Variants in SPRED2 observed in about 807,000 individuals in gnomAD.
SPRED2 encodes sprouty related EVH1 domain containing 2.
A neutral mutation model predicts 43.0 loss-of-function variants in SPRED2; 47 were observed. The observed-to-expected ratio is 1.09, with a 90% CI of 0.87 to 1.40. The LOEUF is 1.40. Ranked by LOEUF, SPRED2 falls within the 40% of genes most tolerant of loss-of-function variation. The probability of loss-of-function intolerance (pLI) is 0.00; values close to 1 mark genes in which losing one functional copy is unlikely to be tolerated. For synonymous variants in SPRED2, 225 were observed against 225.7 expected, an observed-to-expected ratio of 1.00 and a Z score of 0.03; for missense variants, 561 against 586.4, an observed-to-expected ratio of 0.96 and a Z score of 0.45.
chr2:65,324,561 C>G lies in SPRED2; in HGVS notation c.438+7426G>C, dbSNP rs141537726. Among the ~76,000 whole-genome samples the G allele has an allele frequency of 2.6e-5, 4 of 152,296 alleles. No individual in the cohort carries two copies. In the East Asian group the frequency reaches 7.7e-4, roughly 29 times the overall value. On this transcript the variant is annotated intron_variant, in intron 4 of 5. Coordinates refer to ENST00000356388, the MANE Select transcript of SPRED2 (RefSeq NM_181784.3). ...CAATATGATCTCTTGTTCTTGGAAG[C>G]TTGGCTACTCTTCCCTCTCTTATGG...
chr2:65,314,256 C>G (rs1412972001), intron 5 of SPRED2, 87 bp from the exon 6 acceptor site: 2 of 1,327,850 alleles, frequency 1.5e-6, no homozygotes, highest in African/African-American at 1.5e-5. Context: ...CCCTCCCTAG[C>G]CGTCCAAAAT....
chr2:65,427,428 A>AAGGGTTC lies in SPRED2; in HGVS notation c.26+4533_26+4534insGAACCCT, dbSNP rs1676582727. Among the ~76,000 whole-genome samples the AAGGGTTC allele has an allele frequency of 1.3e-4, 20 of 152,320 alleles. No homozygotes were observed. In the South Asian group the frequency reaches 4.1e-3, roughly 32 times the overall value. ...TAACATTTAAGGGTTCTACTCATGT[A>AAGGGTTC]TAGTAGAACCATACCCCCTGGTAGA... On this transcript the variant is annotated intron_variant, in intron 1 of 5. Transcript: ENST00000356388.
downstream of SPRED2, among the ~76,000 whole-genome samples, chr2:65,307,388 G>T (rs1240444246): frequency 1.3e-5 from 2 of 151,862 alleles, no homozygotes; most frequent in Non-Finnish European, 2.9e-5. Context: ...TAGAGATGGG[G>T]TTTCACCATG....
intron 1 of SPRED2, among the ~76,000 whole-genome samples, chr2:65,370,407 G>C (rs761979091): frequency 2.6e-5 from 4 of 152,192 alleles, no homozygotes; most frequent in Non-Finnish European, 4.4e-5. Context: ...ACATTCGAGT[G>C]TTTATATGCT....
chr2:65,407,142 T>C (rs769804811), intron 1 of SPRED2, among the ~76,000 whole-genome samples: 2 of 151,858 alleles, frequency 1.3e-5, no homozygotes, highest in African/African-American at 4.8e-5. Flanking sequence ...TTAGCCAGGA[T>C]GGTCTCGATC....
In SPRED2 at chr2:65,311,345, T is replaced by C; in HGVS notation, c.*2156A>G. 1 of 985,696 alleles carries C rather than the reference T, an allele frequency of 1.0e-6. No homozygotes were observed. 61.1% of individuals were successfully genotyped at this position (985,696 alleles called of 1,614,324 possible). On this transcript the variant is annotated 3_prime_UTR_variant, in exon 6 of 6. Transcript: ENST00000356388. ...ACCAAAAAGTATACGTGGAGTAAGATCTGCTAGCGTAACTCTTAAAAGGGT... is the reference window on the plus strand; with the variant it reads ...ACCAAAAAGTATACGTGGAGTAAGACCTGCTAGCGTAACTCTTAAAAGGGT...
chr2:65,371,536 G>T (rs1210096472), intron 1 of SPRED2, among the ~76,000 whole-genome samples: 1 of 152,214 alleles, frequency 6.6e-6, no homozygotes, highest in African/African-American at 2.4e-5. Context: ...GGCGGAGGCA[G>T]ATGATTTCTA....
intron 1 of SPRED2, among the ~76,000 whole-genome samples, chr2:65,365,679 A>G (rs771669728): frequency 7.2e-5 from 11 of 152,248 alleles, no homozygotes; most frequent in Admixed American, 6.5e-5. Context: ...AGGAAAGCAT[A>G]AATAGTACTG....
intron 1 of SPRED2, among the ~76,000 whole-genome samples, chr2:65,358,736 A>G (rs773505285): frequency 3.3e-5 from 5 of 152,222 alleles, no homozygotes; most frequent in Non-Finnish European, 7.3e-5. Context: ...AAAACATAAA[A>G]TGGTGGGCAA....
At chr2:65,361,030 C>A (rs1674799278) in intron 1 of SPRED2, among the ~76,000 whole-genome samples, 1 of 152,060 alleles carries the variant, frequency 6.6e-6, no homozygotes, top group South Asian at 2.1e-4. Context: ...CAATGTGGGA[C>A]CTCATCTCTA....
chr2:65,322,108 A>G, intron 4 of SPRED2, among the ~76,000 whole-genome samples: 1 of 151,764 alleles, frequency 6.6e-6, no homozygotes, highest in Non-Finnish European at 1.5e-5. Flanking sequence ...GACTGCTGGT[A>G]TATGAAAGTT....
Position 65,313,441 on chromosome 2 carries a change from G to A in SPRED2, c.*60C>T. ...GAAGGGAGCGGGGGAGAAGATGAGA[G>A]TATGTAAGAGACGAGTTCCCCTGTG... On this transcript the variant is annotated 3_prime_UTR_variant, in exon 6 of 6. Transcript: ENST00000356388. 1.3e-6 allele frequency: 2 copies of A among 1,548,068 alleles called. No homozygotes were observed. Among genetic ancestry groups the A allele is most frequent in the African/African-American group, 1.4e-5 (1 of 73,106 alleles).
intron 4 of SPRED2, among the ~76,000 whole-genome samples, chr2:65,328,970 T>C (rs1673727353): frequency 6.6e-6 from 1 of 152,234 alleles, no homozygotes. Context: ...AATTCATTTT[T>C]CCACTTAAGA....
chr2:65,338,447 G>A (rs952733816), intron 2 of SPRED2, among the ~76,000 whole-genome samples: 2 of 151,860 alleles, frequency 1.3e-5, no homozygotes, highest in African/African-American at 4.8e-5. Context: ...GCAGGCGCGC[G>A]CCGCCACGCC....
In SPRED2 at chr2:65,344,462, C is replaced by T. The variant is rs78525091; in HGVS notation, c.204+257G>A. 335 of 590,518 alleles carry T rather than the reference C, an allele frequency of 5.7e-4. 3 individuals are homozygous for T. The East Asian group carries it at 0.012, about 21-fold the overall frequency. 36.6% of individuals were successfully genotyped at this position (590,518 alleles called of 1,614,324 possible). A position where few individuals can be genotyped will look rare whatever the true frequency, so the allele number is the denominator to read the frequency against. On this transcript the variant is annotated intron_variant, in intron 2 of 5. Coordinates refer to ENST00000356388, the MANE Select transcript of SPRED2 (RefSeq NM_181784.3). The stretch of plus-strand genomic sequence containing the variant: ...TTTTTACAATGATAGACATCTTAAT[C>T]AAAGATGCAAATAAAACAGCCAAAT...
intron 1 of SPRED2, among the ~76,000 whole-genome samples, chr2:65,426,398 A>G (rs553968577): frequency 8.3e-4 from 126 of 152,362 alleles, no homozygotes; most frequent in Non-Finnish European, 1.4e-3. Context: ...CCATTATTTT[A>G]TTCAATAGAC....
In SPRED2 at chr2:65,338,793, T is replaced by C. The variant is rs1305814028; in HGVS notation, c.205-4020A>G. 5.4e-5 allele frequency among the ~76,000 whole-genome samples: 8 copies of C among 147,436 alleles called. No homozygotes were observed. In the East Asian group the frequency reaches 1.6e-3, roughly 30 times the overall value. On this transcript the variant is annotated intron_variant, in intron 2 of 5. Transcript: ENST00000356388. The stretch of plus-strand genomic sequence containing the variant: ...GATGTGAGGAGCCCCTCTGCCTGGC[T>C]GCCCAGTCTGGAAAGTGAGGAGCGT...
rs374337368 is a variant in SPRED2, at chr2:65,313,838, G to C, written c.920C>G (p.Ser307Trp). ...CATGTCCCTGCAGTACACGCACCGC[G>C]AGCGCTCTCCGTCCTCCTTCCGCCG... ...SRRRKEDGER[S>W]RCVYCRDMFN... is the part of the protein sequence containing the mutation. Residue 307 changes from serine (S) to tryptophan (W), a missense_variant, in exon 6 of 6, where the codon TCG (serine) becomes TGG (tryptophan). Physicochemically the swap from Ser to Trp is radical, Grantham distance 177. Around this residue, in one of 6 missense-constraint regions of SPRED2, gnomAD observed 164 missense variants for 164.1 expected, o/e 1.00. Coordinates refer to ENST00000356388, the MANE Select transcript of SPRED2 (RefSeq NM_181784.3). 125 of 1,612,276 alleles carry C rather than the reference G, an allele frequency of 7.8e-5. No individual in the cohort carries two copies. The highest frequency in any genetic ancestry group is 1.6e-4 in the Middle Eastern group (1 of 6,084).
intron 1 of SPRED2, among the ~76,000 whole-genome samples, chr2:65,391,409 G>A (rs1487581052): frequency 3.9e-5 from 6 of 152,188 alleles, no homozygotes; most frequent in African/African-American, 7.2e-5. Flanking sequence ...TGTAGTTCCC[G>A]AAATTCTTTT....
Sources: allele counts gnomAD v4.1 joint callset (sites outside exome capture counted in the v4.1 genomes callset), GRCh38; gene constraint gnomAD v4.1.1; regional missense constraint gnomAD v4.1.1; transcripts MANE v1.5; gene names NCBI Gene and HGNC (gene_info 2026-07-23, HGNC 2026-07-21).